PTPRT: variants seen among roughly 807,000 people sequenced by gnomAD.
PTPRT encodes receptor-type tyrosine-protein phosphatase T.
A neutral mutation model predicts 176.8 loss-of-function variants in PTPRT; 56 were observed. That is an observed-to-expected ratio of 0.32 (90% CI 0.26 to 0.40). The LOEUF (loss-of-function observed/expected upper bound fraction) is 0.40, where lower values mean the gene tolerates loss of function less well. Ranked by LOEUF, PTPRT falls within the 10% of genes least tolerant of loss-of-function variation. PTPRT has a pLI of 1.00. For synonymous variants in PTPRT, 783 were observed against 739.0 expected (o/e 1.06, Z -0.96); for missense variants, 1,540 against 1,908.2 (o/e 0.81, Z 3.60).
intron 7 of PTPRT, among the ~76,000 whole-genome samples, chr20:42,526,661 T>C (rs767703425): frequency 2.0e-5 from 3 of 152,128 alleles, no homozygotes; most frequent in Non-Finnish European, 4.4e-5. Flanking sequence ...TTTCCATGAT[T>C]GTATTATAAG....
intron 1 of PTPRT, among the ~76,000 whole-genome samples, chr20:42,892,691 C>T (rs2079215483): frequency 6.6e-6 from 1 of 152,150 alleles, no homozygotes; most frequent in African/African-American, 2.4e-5. Context: ...TAGTAGCTCA[C>T]TCCACATACA....
At chr20:43,122,505 T>C (rs370799856) in intron 1 of PTPRT, among the ~76,000 whole-genome samples, 1 of 152,210 alleles carries the variant, frequency 6.6e-6, no homozygotes, top group South Asian at 2.1e-4. Context: ...TTCCCAGTGT[T>C]GGAGGTGGGT....
chr20:43,035,247 G>C (rs759068920), intron 1 of PTPRT, among the ~76,000 whole-genome samples: 1 of 151,920 alleles, frequency 6.6e-6, no homozygotes, highest in Non-Finnish European at 1.5e-5. Context: ...CTCCCGCCTC[G>C]AAACCACCCA....
chr20:42,733,252 G>A (rs914941458), intron 6 of PTPRT, among the ~76,000 whole-genome samples: 3 of 152,162 alleles, frequency 2.0e-5, no homozygotes, highest in African/African-American at 7.2e-5. Flanking sequence ...AGATCACAGC[G>A]GGAGGATGGA....
chr20:42,228,346 T>G (rs749482928), intron 15 of PTPRT, among the ~76,000 whole-genome samples: 2 of 152,238 alleles, frequency 1.3e-5, no homozygotes, highest in Non-Finnish European at 2.9e-5. Context: ...ACTTACAGAT[T>G]TGCTCTGTTT....
At chr20:42,278,023 T>TA (rs2147036572) in intron 13 of PTPRT, among the ~76,000 whole-genome samples, 1 of 138,696 alleles carries the variant, frequency 7.2e-6, no homozygotes, top group South Asian at 2.5e-4. Context: ...TCTTTGCACT[T>TA]ACGTCACTTA....
At chr20:42,381,986 T>G (rs1293766513) in intron 9 of PTPRT, among the ~76,000 whole-genome samples, 1 of 152,212 alleles carries the variant, frequency 6.6e-6, no homozygotes, top group Non-Finnish European at 1.5e-5. Context: ...GTGACTTTTT[T>G]GGGTAATATA....
intron 2 of PTPRT, among the ~76,000 whole-genome samples, chr20:42,860,490 C>T (rs998151082): frequency 2.0e-5 from 3 of 152,198 alleles, no homozygotes; most frequent in Admixed American, 1.3e-4. Flanking sequence ...AAATTGACAG[C>T]TTTAAAATAC....
intron 2 of PTPRT, among the ~76,000 whole-genome samples, chr20:42,819,096 T>G (rs1308368652): frequency 6.6e-6 from 1 of 151,944 alleles, no homozygotes; most frequent in Non-Finnish European, 1.5e-5. Context: ...AGACACACAG[T>G]CATCAGATTC....
At chr20:42,104,500 A>G (rs943531296) in intron 25 of PTPRT, 69 bp downstream of exon 25, 24 of 1,476,202 alleles carry the variant, frequency 1.6e-5, no homozygotes, top group Non-Finnish European at 1.9e-5. Context: ...AAACCACCCA[A>G]TCTATGGAAA....
chr20:42,881,431 A>C (rs1244881666), intron 2 of PTPRT, among the ~76,000 whole-genome samples: 2 of 152,326 alleles, frequency 1.3e-5, no homozygotes, highest in East Asian at 3.9e-4. Flanking sequence ...AGACATGAAG[A>C]AATCAGCAAA....
intron 8 of PTPRT, among the ~76,000 whole-genome samples, chr20:42,457,750 G>C (rs952177262): frequency 1.3e-5 from 2 of 152,198 alleles, no homozygotes; most frequent in African/African-American, 4.8e-5. Flanking sequence ...TCCGTGGCAA[G>C]AGGGCTTTTT....
At chr20:42,378,678 GA>G (rs2058671750) in intron 9 of PTPRT, among the ~76,000 whole-genome samples, 1 of 152,166 alleles carries the variant, frequency 6.6e-6, no homozygotes, top group Non-Finnish European at 1.5e-5. Context: ...CCACGGTTAA[GA>G]TACGGGCTCT....
intron 1 of PTPRT, among the ~76,000 whole-genome samples, chr20:42,976,894 A>G (rs186852025): frequency 1.3e-5 from 2 of 152,334 alleles, no homozygotes; most frequent in East Asian, 3.9e-4. Flanking sequence ...GGGAACTGCA[A>G]TTTTAGAAAA....
chr20:42,379,476 A>C (rs1019813080), intron 9 of PTPRT, among the ~76,000 whole-genome samples: 3 of 152,120 alleles, frequency 2.0e-5, no homozygotes, highest in African/African-American at 7.2e-5. Flanking sequence ...GAACAACCAG[A>C]CTCAAATTTG....
At chr20:43,169,787 C>T (rs1400556063) in intron 1 of PTPRT, among the ~76,000 whole-genome samples, 2 of 152,176 alleles carry the variant, frequency 1.3e-5, no homozygotes. Flanking sequence ...GCAGCCTTCT[C>T]CCTCCTTCTA....
chr20:43,093,357 A>T (rs887627397), intron 1 of PTPRT, among the ~76,000 whole-genome samples: 36 of 152,202 alleles, frequency 2.4e-4, no homozygotes, highest in Non-Finnish European at 7.3e-5. Context: ...TCTTCCAAAC[A>T]TCCAAGAAAG....
At chr20:42,657,517 G>T (rs765608756) in intron 7 of PTPRT, among the ~76,000 whole-genome samples, 1 of 152,036 alleles carries the variant, frequency 6.6e-6, no homozygotes, top group Non-Finnish European at 1.5e-5. Context: ...GGCCTCTCTT[G>T]TCTCTCCACA....
At chr20:42,549,299 AT>A (rs2072727892) in intron 7 of PTPRT, among the ~76,000 whole-genome samples, 1 of 151,964 alleles carries the variant, frequency 6.6e-6, no homozygotes, top group East Asian at 1.9e-4. Context: ...AATAGTACTG[AT>A]TGAAAAAAAA....
Sources: gnomAD v4.1 joint callset for allele counts (sites outside exome capture counted in the v4.1 genomes callset) on GRCh38, gnomAD v4.1.1 for gene constraint, MANE v1.5 for transcripts, NCBI Gene and HGNC (gene_info 2026-07-23, HGNC 2026-07-21) for gene names.